The following EHBP1 variants were observed in gnomAD, a reference collection of about 807,000 sequenced individuals.
The protein encoded by EHBP1 is EH domain-binding protein 1.
A neutral mutation model predicts 144.0 loss-of-function variants in EHBP1; 55 were observed. The observed-to-expected ratio is 0.38, with a 90% confidence interval of 0.31 to 0.48. The LOEUF is 0.48. Ranked by LOEUF, EHBP1 falls within the 20% of genes least tolerant of loss-of-function variation. The pLI, the probability that EHBP1 is intolerant of heterozygous loss-of-function variation, is 0.98. For missense variants in EHBP1, 1,200 were observed against 1,364.2 expected, an observed-to-expected ratio of 0.88 and a Z score of 1.90; for synonymous variants, 469 against 472.7, an observed-to-expected ratio of 0.99 and a Z score of 0.10.
At chr2:63,001,000 A>G (rs1158568458) in intron 19 of EHBP1, among the ~76,000 whole-genome samples, 1 of 152,170 alleles carries the variant, frequency 6.6e-6, no homozygotes, top group African/African-American at 2.4e-5. Flanking sequence ...CTGTGCCAGC[A>G]ATGTTGTAAC....
chr2:62,905,097 G>T (rs1211195938), intron 10 of EHBP1, among the ~76,000 whole-genome samples: 1 of 152,176 alleles, frequency 6.6e-6, no homozygotes, highest in Non-Finnish European at 1.5e-5. Context: ...ACTAAATGGT[G>T]TCAAGGCATG....
intron 3 of EHBP1, among the ~76,000 whole-genome samples, chr2:62,749,311 G>T (rs1419306677): frequency 6.6e-6 from 1 of 152,200 alleles, no homozygotes; most frequent in South Asian, 2.1e-4. Context: ...CAAAGGACAT[G>T]AACTCATCCT....
At chr2:62,882,816 A>G (rs1182380652) in intron 10 of EHBP1, among the ~76,000 whole-genome samples, 1 of 151,770 alleles carries the variant, frequency 6.6e-6, no homozygotes, top group Non-Finnish European at 1.5e-5. Context: ...CAGGAGGCAG[A>G]GTTTGCAGTG....
At chr2:62,750,968 C>G (rs2152210451) in intron 3 of EHBP1, among the ~76,000 whole-genome samples, 1 of 152,124 alleles carries the variant, frequency 6.6e-6, no homozygotes, top group East Asian at 1.9e-4. Flanking sequence ...TAATCGAATA[C>G]CTTTATTTCT....
intron 7 of EHBP1, among the ~76,000 whole-genome samples, chr2:62,840,033 C>G (rs1488420679): frequency 2.6e-5 from 4 of 152,108 alleles, no homozygotes; most frequent in Non-Finnish European, 5.9e-5. Flanking sequence ...ATTGCCAAGA[C>G]AATCCTAAGC....
intron 3 of EHBP1, among the ~76,000 whole-genome samples, chr2:62,759,982 T>C (rs1397407107): frequency 2.6e-5 from 4 of 152,146 alleles, no homozygotes; most frequent in African/African-American, 7.2e-5. Flanking sequence ...ACTAGTACAG[T>C]TGTCCCTAGG....
Position 62,948,790 on chromosome 2 carries a change from G to A in EHBP1, c.1944G>A (p.Leu648=). ...CAGATTCAACCCAAGCACAGGTTTTGTTAGGCAAAAAGAGACTATTGAAAG... is the reference window on the plus strand; with the variant it reads ...CAGATTCAACCCAAGCACAGGTTTTATTAGGCAAAAAGAGACTATTGAAAG... ...SNTDSTQAQV[L]LGKKRLLKAE... is the part of the protein sequence containing the mutation. The change falls in exon 13 of 23, where the codon TTG becomes TTA. Residue 648 remains leucine, a synonymous_variant. Transcript: ENST00000431489. 6.2e-7 allele frequency: 1 copy of A among 1,614,138 alleles called. No homozygotes were observed. Among genetic ancestry groups the A allele is most frequent in the Non-Finnish European group, 8.5e-7 (1 of 1,179,990 alleles).
At chr2:62,993,462 C>A in intron 16 of EHBP1, 68 bp from the exon 17 acceptor site, 1 of 1,327,178 alleles carries the variant, frequency 7.5e-7, no homozygotes. Context: ...GTAAAAATTG[C>A]CTTACTAATG....
intron 2 of EHBP1, among the ~76,000 whole-genome samples, chr2:62,742,220 C>CT (rs2038778962): frequency 6.6e-6 from 1 of 152,066 alleles, no homozygotes; most frequent in African/African-American, 2.4e-5. Context: ...GACTATATCT[C>CT]TATCTATCGT....
chr2:62,799,341 C>T (rs2043807918), intron 5 of EHBP1, among the ~76,000 whole-genome samples: 1 of 152,024 alleles, frequency 6.6e-6, no homozygotes, highest in African/African-American at 2.4e-5. Context: ...TTTATGTTAC[C>T]TCTTTTTTGC....
Position 62,708,207 on chromosome 2 carries a change from CTT to C in EHBP1, c.104+913_104+914del, listed in dbSNP as rs562875726. On this transcript the variant is annotated intron_variant, in intron 2 of 22. Coordinates refer to ENST00000431489, the MANE Select transcript of EHBP1 (RefSeq NM_001142616.3). ...AAATAGCTTGCTTTATTCTAGAACTCTTATATTTGAATATTTATTTGGAACTA... is the reference window on the plus strand; with the variant it reads ...AAATAGCTTGCTTTATTCTAGAACTCATATTTGAATATTTATTTGGAACTA... Among the ~76,000 whole-genome samples, 409 of 152,190 alleles carry C rather than the reference CTT, an allele frequency of 2.7e-3. 2 individuals are homozygous for C. The highest frequency in any genetic ancestry group is 3.5e-3 in the Non-Finnish European group (237 of 67,990).
chr2:62,915,082 G>A (rs764588597), intron 10 of EHBP1, among the ~76,000 whole-genome samples: 17 of 151,620 alleles, frequency 1.1e-4, no homozygotes, highest in Admixed American at 7.9e-4. Flanking sequence ...TTCCTAGATC[G>A]GCATTTCCCT....
chr2:62,777,121 C>T (rs1366664543), intron 5 of EHBP1, among the ~76,000 whole-genome samples: 1 of 152,082 alleles, frequency 6.6e-6, no homozygotes, highest in Non-Finnish European at 1.5e-5. Flanking sequence ...ACTACAGGTG[C>T]ACACCATTAT....
intron 7 of EHBP1, among the ~76,000 whole-genome samples, chr2:62,834,076 C>A: frequency 6.6e-6 from 1 of 152,268 alleles, no homozygotes; most frequent in East Asian, 1.9e-4. Context: ...TTGCTGCAAT[C>A]GCATGATAAA....
intron 6 of EHBP1, among the ~76,000 whole-genome samples, chr2:62,830,501 T>A (rs372305507): frequency 6.6e-6 from 1 of 152,320 alleles, no homozygotes; most frequent in South Asian, 2.1e-4. Context: ...TATTTCATTT[T>A]TTACTTGTTC....
intron 5 of EHBP1, among the ~76,000 whole-genome samples, chr2:62,796,903 C>T (rs1425503476): frequency 1.3e-5 from 2 of 151,762 alleles, no homozygotes; most frequent in African/African-American, 2.4e-5. Context: ...CTCCCTCCTC[C>T]GTAGGCCCCC....
chr2:62,688,202 A>G (rs928787315), intron 1 of EHBP1, among the ~76,000 whole-genome samples: 2 of 152,186 alleles, frequency 1.3e-5, no homozygotes, highest in Non-Finnish European at 2.9e-5. Context: ...ATAGCATGAG[A>G]GAGTAATGCC....
intron 1 of EHBP1, among the ~76,000 whole-genome samples, chr2:62,693,756 A>G (rs1158394281): frequency 1.3e-5 from 2 of 150,862 alleles, no homozygotes; most frequent in Non-Finnish European, 3.0e-5. Context: ...CCATTAACCA[A>G]CCTCTCTTCT....
intron 19 of EHBP1, among the ~76,000 whole-genome samples, chr2:63,004,270 A>G (rs1304714027): frequency 2.0e-5 from 3 of 152,128 alleles, no homozygotes; most frequent in African/African-American, 7.2e-5. Flanking sequence ...GGCCAATCAC[A>G]AAGCAAAATG....
Sources: gnomAD v4.1 joint callset for allele counts (sites outside exome capture counted in the v4.1 genomes callset) on GRCh38, gnomAD v4.1.1 for gene constraint, MANE v1.5 for transcripts, NCBI Gene and HGNC (gene_info 2026-07-23, HGNC 2026-07-21) for gene names.